ARHGAP21: variants seen among roughly 807,000 people sequenced by gnomAD.
ARHGAP21 encodes rho GTPase-activating protein 21.
In ARHGAP21, 38 loss-of-function variants were observed where a neutral mutation model predicts 164.6. The ratio of observed to expected loss-of-function variants is 0.23; its 90% confidence interval spans 0.18 to 0.30. The LOEUF (loss-of-function observed/expected upper bound fraction) is 0.30. Among genes scored for constraint, ARHGAP21 ranks in the 10% least tolerant of loss-of-function variants. ARHGAP21 has a pLI of 1.00. For synonymous variants in ARHGAP21, 766 were observed against 857.9 expected, an observed-to-expected ratio of 0.89 and a Z score of 1.87; for missense variants, 1,822 against 2,370.7, an observed-to-expected ratio of 0.77 and a Z score of 4.81.
At chr10:24,597,859 G>A (rs2076652016) in intron 15 of ARHGAP21, 86 bp downstream of exon 15, 2 of 1,379,230 alleles carry the variant, frequency 1.5e-6, no homozygotes, top group Admixed American at 1.9e-5. Context: ...ATCCACTGGG[G>A]GTCTTGGAAT....
At chr10:24,600,613 T>A in intron 14 of ARHGAP21, 33 bp downstream of exon 14, 1 of 1,598,256 alleles carries the variant, frequency 6.3e-7, no homozygotes, top group Non-Finnish European at 8.5e-7. Context: ...TGTGAAAGGG[T>A]CAGATTTCTC....
rs529075040 is a variant in ARHGAP21, at chr10:24,721,774, T to C, written c.63+63A>G. ...GGCCCCGTGGCCGGTAACCCCCAACTTGCAGGACGCTCAAGACACAGGCCA... is the reference window on the plus strand; with the variant it reads ...GGCCCCGTGGCCGGTAACCCCCAACCTGCAGGACGCTCAAGACACAGGCCA... On this transcript the variant is annotated intron_variant, in intron 2 of 25. Coordinates refer to ENST00000396432, the MANE Select transcript of ARHGAP21 (RefSeq NM_020824.4). 27 of 1,591,224 alleles carry C rather than the reference T, an allele frequency of 1.7e-5. No homozygotes were observed. The Admixed American group carries it at 1.7e-4, about 10-fold the overall frequency.
chr10:24,631,719 TTTG>T (rs1458933902), intron 6 of ARHGAP21, among the ~76,000 whole-genome samples: 5 of 152,134 alleles, frequency 3.3e-5, no homozygotes, highest in Non-Finnish European at 7.4e-5. Context: ...CATCTGTTTG[TTTG>T]TTGTTTTTGT....
intron 8 of ARHGAP21, among the ~76,000 whole-genome samples, chr10:24,621,746 T>G (rs1436602752): frequency 6.6e-6 from 1 of 152,222 alleles, no homozygotes; most frequent in African/African-American, 2.4e-5. Context: ...CAAAGGAAGA[T>G]TCATGTATTT....
At chr10:24,613,043 T>C (rs1378382797) in intron 9 of ARHGAP21, among the ~76,000 whole-genome samples, 1 of 147,734 alleles carries the variant, frequency 6.8e-6, no homozygotes, top group Non-Finnish European at 1.5e-5. Context: ...GCAATGCCAC[T>C]TTTTTTTTTA....
At chr10:24,664,121 T>A (rs1206187744) in intron 4 of ARHGAP21, among the ~76,000 whole-genome samples, 2 of 152,200 alleles carry the variant, frequency 1.3e-5, no homozygotes, top group Non-Finnish European at 2.9e-5. Context: ...CGCTCTTTGT[T>A]TTCCAAGGGA....
intron 21 of ARHGAP21, among the ~76,000 whole-genome samples, chr10:24,594,593 T>TTC (rs2076496029): frequency 6.8e-6 from 1 of 146,562 alleles, no homozygotes; most frequent in African/African-American, 2.5e-5. Flanking sequence ...GAAAATGACT[T>TTC]ATCTGTTTAT....
chr10:24,596,352 G>A (rs1004173954), intron 17 of ARHGAP21: 1 of 436,760 alleles, frequency 2.3e-6, no homozygotes, highest in East Asian at 3.8e-5. Context: ...AAAAGAGGAG[G>A]AGAGAGTAAT....
intron 4 of ARHGAP21, among the ~76,000 whole-genome samples, chr10:24,635,781 G>A (rs1022214201): frequency 1.3e-5 from 2 of 152,146 alleles, no homozygotes; most frequent in African/African-American, 4.8e-5. Flanking sequence ...TCCTGACCCC[G>A]TGATTCACCC....
At chr10:24,662,822 T>C (rs900360380) in intron 4 of ARHGAP21, among the ~76,000 whole-genome samples, 12 of 152,238 alleles carry the variant, frequency 7.9e-5, no homozygotes, top group Non-Finnish European at 1.5e-4. Context: ...GTCTTTTAAC[T>C]AACTTATTGA....
chr10:24,723,226 C>T (rs1283634964), intron 1 of ARHGAP21: 2 of 150,938 alleles, frequency 1.3e-5, no homozygotes, highest in African/African-American at 4.9e-5. Context: ...TGGCCGGGCG[C>T]CGGGCCCGGC....
intron 9 of ARHGAP21, among the ~76,000 whole-genome samples, chr10:24,611,429 C>T (rs1312468194): frequency 2.6e-5 from 4 of 152,144 alleles, no homozygotes; most frequent in Admixed American, 6.5e-5. Flanking sequence ...ACAGGCCAGG[C>T]GCGGTGGCTC....
At chr10:24,648,545 C>T (rs200234133) in intron 4 of ARHGAP21, among the ~76,000 whole-genome samples, 3 of 152,056 alleles carry the variant, frequency 2.0e-5, no homozygotes, top group African/African-American at 4.8e-5. Context: ...TTTGGGAGGC[C>T]GAGGTGGGTG....
chr10:24,655,500 G>T (rs1838721182), intron 4 of ARHGAP21, among the ~76,000 whole-genome samples: 1 of 152,248 alleles, frequency 6.6e-6, no homozygotes, highest in Non-Finnish European at 1.5e-5. Context: ...CATTTATGCA[G>T]CCAACAGACA....
chr10:24,696,254 C>T (rs967419385), intron 2 of ARHGAP21, among the ~76,000 whole-genome samples: 1 of 152,174 alleles, frequency 6.6e-6, no homozygotes, highest in Admixed American at 6.5e-5. Context: ...GGCAGGGCGG[C>T]TCAAGTTCAC....
chr10:24,602,367 T>C (rs975076529), intron 12 of ARHGAP21, among the ~76,000 whole-genome samples: 2 of 152,112 alleles, frequency 1.3e-5, no homozygotes, highest in African/African-American at 4.8e-5. Context: ...AAATGATCCG[T>C]TTGTGATTTA....
chr10:24,655,549 C>T (rs992581661), intron 4 of ARHGAP21, among the ~76,000 whole-genome samples: 3 of 152,128 alleles, frequency 2.0e-5, no homozygotes, highest in East Asian at 1.9e-4. Flanking sequence ...GAGGAGCGGA[C>T]GGGCCCCGCG....
In ARHGAP21 at chr10:24,585,230, T is replaced by C; in HGVS notation, c.5059A>G (p.Ser1687Gly). The C allele has an allele frequency of 6.2e-7, 1 of 1,605,212 alleles. No homozygotes were observed. Among genetic ancestry groups the C allele is most frequent in the Non-Finnish European group, 8.5e-7 (1 of 1,177,622 alleles). Residue 1687 changes from serine (S) to glycine (G), a missense_variant, in exon 26 of 26, where the codon AGC becomes GGC. This residue lies in a region of ARHGAP21 where 117 missense variants were observed against 193.2 expected (regional missense o/e 0.61). Coordinates refer to ENST00000396432, the MANE Select transcript of ARHGAP21 (RefSeq NM_020824.4). Reference protein sequence around the residue: ...TEGSLTSSLDSRRQLFSSHKL... With the variant: ...TEGSLTSSLDGRRQLFSSHKL... Reference sequence around the variant, plus strand: ...TGGGAACTGAAGAGCTGTCTCCGGCTATCTAAACTTGATGTTAAACTTCCC... The same window carrying C: ...TGGGAACTGAAGAGCTGTCTCCGGCCATCTAAACTTGATGTTAAACTTCCC...
At chr10:24,687,776 G>A (rs527479885) in intron 2 of ARHGAP21, among the ~76,000 whole-genome samples, 1 of 152,206 alleles carries the variant, frequency 6.6e-6, no homozygotes, top group South Asian at 2.1e-4. Context: ...ATGAAATAAT[G>A]CAATCCCCTT....
Sources: gnomAD v4.1 joint callset for allele counts (sites outside exome capture counted in the v4.1 genomes callset) on GRCh38, gnomAD v4.1.1 for gene constraint, gnomAD v4.1.1 regional missense constraint, MANE v1.5 for transcripts, NCBI Gene and HGNC (gene_info 2026-07-23, HGNC 2026-07-21) for gene names.